ALDH7A1: variants seen among roughly 807,000 people sequenced by gnomAD.
ALDH7A1 encodes the protein alpha-aminoadipic semialdehyde dehydrogenase.
Under a neutral mutation model 79.9 loss-of-function variants are expected in ALDH7A1, and 63 were observed. The ratio of observed to expected loss-of-function variants is 0.79; its 90% CI spans 0.64 to 0.97. The LOEUF is 0.97. ALDH7A1 is among the 50% of genes least tolerant of loss of function. ALDH7A1 has a pLI of 0.00. For missense variants in ALDH7A1, 627 were observed against 665.2 expected (o/e 0.94, Z 0.63); for synonymous variants, 240 against 231.2 (o/e 1.04, Z -0.34).
At chr5:126,569,346 A>G (rs1365876958) in intron 8 of ALDH7A1, 1 of 152,218 alleles carries the variant, frequency 6.6e-6, no homozygotes. Context: ...CCGCTATCCT[A>G]AAGTATTCCT....
At chr5:126,594,911 G>A in intron 1 of ALDH7A1, 96 bp downstream of exon 1, 1 of 1,478,916 alleles carries the variant, frequency 6.8e-7, no homozygotes. Context: ...TGCTACTACC[G>A]CATCCAGCGC....
chr5:126,593,557 C>T (rs1177114148), intron 1 of ALDH7A1, 153 bp from the exon 2 acceptor site: 2 of 1,080,228 alleles, frequency 1.9e-6, no homozygotes. Context: ...ATATAAACCA[C>T]TCTACAGAGG....
intron 7 of ALDH7A1, 51 bp downstream of exon 7, chr5:126,575,369 C>A (rs1308044587): frequency 1.3e-6 from 2 of 1,572,598 alleles, no homozygotes; most frequent in Non-Finnish European, 1.7e-6. Context: ...CTATCAATAA[C>A]CCTTTCAATA....
At chr5:126,585,331 A>C (rs1751324342) in intron 3 of ALDH7A1, among the ~76,000 whole-genome samples, 1 of 151,976 alleles carries the variant, frequency 6.6e-6, no homozygotes, top group Non-Finnish European at 1.5e-5. Context: ...TAAAAGGAAC[A>C]TTCCCCTCCA....
intron 7 of ALDH7A1, among the ~76,000 whole-genome samples, chr5:126,573,116 C>CAAAAA (rs11290126): frequency 1.5e-4 from 14 of 95,186 alleles, no homozygotes; most frequent in East Asian, 3.1e-4. Flanking sequence ...CCATTTAAAG[C>CAAAAA]AAAAAAAAAA....
chr5:126,546,043 T>C (rs1204484326), intron 17 of ALDH7A1, among the ~76,000 whole-genome samples: 3 of 151,912 alleles, frequency 2.0e-5, no homozygotes, highest in Admixed American at 6.6e-5. Context: ...AGGTCGGGAG[T>C]TCGAGACCAG....
At position 126,563,421 on chromosome 5, in the gene ALDH7A1, T is replaced by C. The variant is rs543731900; in HGVS notation, c.872-2297A>G. On this transcript the variant is annotated intron_variant, in intron 9 of 17. Coordinates refer to ENST00000409134, the MANE Select transcript of ALDH7A1 (RefSeq NM_001182.5). ...AGTGTTGAATATATTTGTTGATTAT[T>C]TACTTAGGTTAGGACTCTTGACAGA... Among the ~76,000 whole-genome samples the C allele has an allele frequency of 2.6e-5, 4 of 152,382 alleles. No homozygotes were observed. The South Asian group carries it at 6.2e-4, about 24-fold the overall frequency.
At chr5:126,581,496 G>GGT (rs1020820410) in intron 5 of ALDH7A1, 1 of 151,896 alleles carries the variant, frequency 6.6e-6, no homozygotes, top group Admixed American at 6.6e-5. Flanking sequence ...AGCCAGGTAT[G>GGT]GTGGCATGCA....
In ALDH7A1 at chr5:126,592,716, T is replaced by A; in HGVS notation, c.260A>T (p.Asp87Val). 6.2e-7 allele frequency: 1 copy of A among 1,614,040 alleles called. No individual in the cohort carries two copies. Among genetic ancestry groups the A allele is most frequent in the South Asian group, 1.1e-5 (1 of 91,086 alleles). Residue 87 changes from aspartate (D) to valine (V), a missense_variant, in exon 3 of 18, where the codon GAC becomes GTC. Physicochemically the swap from Asp to Val is radical, Grantham distance 152. Transcript: ENST00000409134. Reference sequence around the variant, plus strand: ...TGCTTTCTTTACAGTTTCTTCATAGTCTGCCACACTGGCCTAAATTAAGAA... The same window carrying A: ...TGCTTTCTTTACAGTTTCTTCATAGACTGCCACACTGGCCTAAATTAAGAA... ...IARVRQASVADYEETVKKARE... is the reference protein window; with the variant it reads ...IARVRQASVAVYEETVKKARE...
At chr5:126,579,405 A>G (rs1751093786) in intron 5 of ALDH7A1, among the ~76,000 whole-genome samples, 1 of 152,156 alleles carries the variant, frequency 6.6e-6, no homozygotes, top group Admixed American at 6.6e-5. Context: ...TGTGCCCACC[A>G]TCCTACCGTT....
chr5:126,563,134 G>A (rs752272547), intron 9 of ALDH7A1, among the ~76,000 whole-genome samples: 8 of 152,146 alleles, frequency 5.3e-5, no homozygotes, highest in East Asian at 1.9e-4. Flanking sequence ...TTTATGTTGT[G>A]TGGACTTTCC....
chr5:126,544,879 T>G lies in ALDH7A1; in HGVS notation c.*86A>C, dbSNP rs1386972878. 1.8e-6 allele frequency: 2 copies of G among 1,133,662 alleles called. No homozygotes were observed. The highest frequency in any genetic ancestry group is 1.8e-5 in the Admixed American group (1 of 57,104). The allele number at this position is 1,133,662 out of a possible 1,614,324, so 70.2% of individuals were successfully genotyped here. A position where few individuals can be genotyped will look rare whatever the true frequency, so the allele number is the denominator to read the frequency against. On this transcript the variant is annotated 3_prime_UTR_variant, in exon 18 of 18. Coordinates refer to ENST00000409134, the MANE Select transcript of ALDH7A1 (RefSeq NM_001182.5). ...TGTCACAGTCATAATAATGCATTTA[T>G]TCAGGGAAAACTTTAATTTTCTTTG...
chr5:126,545,123 A>G (rs1581350542), intron 17 of ALDH7A1, 104 bp from the exon 18 acceptor site: 1 of 854,292 alleles, frequency 1.2e-6, no homozygotes, highest in East Asian at 2.6e-5. Flanking sequence ...ACAAGGCAAG[A>G]TCTCCAAGTT....
chr5:126,562,044 T>C (rs1329064524), intron 9 of ALDH7A1: 6 of 152,236 alleles, frequency 3.9e-5, no homozygotes, highest in East Asian at 1.9e-4. Flanking sequence ...CCAAACATAG[T>C]AAGGCAGGGA....
At chr5:126,548,565 T>G (rs550943191) in intron 16 of ALDH7A1, among the ~76,000 whole-genome samples, 1 of 152,100 alleles carries the variant, frequency 6.6e-6, no homozygotes, top group Admixed American at 6.5e-5. Context: ...TAGCTGGGAC[T>G]ACAGGCACAC....
At chr5:126,575,322 G>T in intron 7 of ALDH7A1, 98 bp downstream of exon 7, 1 of 1,125,922 alleles carries the variant, frequency 8.9e-7, no homozygotes, top group Non-Finnish European at 1.3e-6. Context: ...CAAATTCCAT[G>T]CTATGTGACT....
chr5:126,551,904 T>A, intron 14 of ALDH7A1, 117 bp downstream of exon 14: 1 of 820,416 alleles, frequency 1.2e-6, no homozygotes, highest in Non-Finnish European at 2.1e-6. Flanking sequence ...ATATATCTAC[T>A]ATTCAGATTA....
intron 3 of ALDH7A1, among the ~76,000 whole-genome samples, chr5:126,591,343 G>A (rs1239576411): frequency 1.3e-5 from 2 of 151,844 alleles, no homozygotes; most frequent in East Asian, 1.9e-4. Flanking sequence ...TAAAGTAGAG[G>A]AAAGATGTGC....
chr5:126,575,305 G>A, intron 7 of ALDH7A1, 115 bp downstream of exon 7: 2 of 920,512 alleles, frequency 2.2e-6, no homozygotes, highest in Admixed American at 5.0e-5. Flanking sequence ...AGGAGAAAGA[G>A]GTTATCCAAA....
Sources: allele counts gnomAD v4.1 joint callset (sites outside exome capture counted in the v4.1 genomes callset), GRCh38; gene constraint gnomAD v4.1.1; transcripts MANE v1.5; gene names NCBI Gene and HGNC (gene_info 2026-07-23, HGNC 2026-07-21).